Variants in ALG9 observed in about 807,000 individuals in gnomAD.
The protein encoded by ALG9 is ALG9 alpha-1,2-mannosyltransferase.
ALG9 carries 55 observed loss-of-function variants against 81.8 expected under a neutral mutation model. The observed-to-expected ratio is 0.67, with a 90% CI of 0.54 to 0.84. The LOEUF is 0.84. ALG9 is among the 40% of genes least tolerant of loss of function. The pLI, the probability that ALG9 is intolerant of heterozygous loss-of-function variation, is 0.00. For synonymous variants in ALG9, 278 were observed against 274.3 expected (o/e 1.01, Z -0.13); for missense variants, 629 against 745.0 (o/e 0.84, Z 1.81).
In ALG9 at chr11:111,782,474, T is replaced by G. The variant is rs1946026463; in HGVS notation, c.*3923A>C. 6.6e-6 allele frequency: 1 copy of G among 152,620 alleles called. No homozygotes were observed. The highest frequency in any genetic ancestry group is 1.5e-5 in the Non-Finnish European group (1 of 68,038). The allele number at this position is 152,620 out of a possible 1,614,324, so 9.5% of individuals were successfully genotyped here. A position where few individuals can be genotyped will look rare whatever the true frequency, so the allele number is the denominator to read the frequency against. ...CTGATCTTTCTGTTGCAAAAAAAAT[T>G]AAAGCTGGGCACATGTCCATTTATC... On this transcript the variant is annotated 3_prime_UTR_variant, in exon 15 of 15. Coordinates refer to ENST00000616540, the MANE Select transcript of ALG9 (RefSeq NM_024740.2).
rs1299317237 is a variant in ALG9, at chr11:111,836,305, C to T, written c.1473-11G>A. 6.2e-7 allele frequency: 1 copy of T among 1,613,736 alleles called. No individual in the cohort carries two copies. Among genetic ancestry groups the T allele is most frequent in the Non-Finnish European group, 8.5e-7 (1 of 1,179,914 alleles). On this transcript the variant is annotated splice_polypyrimidine_tract_variant and intron_variant, in intron 12 of 14. Coordinates refer to ENST00000616540, the MANE Select transcript of ALG9 (RefSeq NM_024740.2). The stretch of plus-strand genomic sequence containing the variant: ...AACTGAAGCTGCCAACTGTCAGAAA[C>T]ACAAGGAGAATAAGAAAAACACAGG...
intron 13 of ALG9, among the ~76,000 whole-genome samples, chr11:111,818,729 G>A (rs1951884716): frequency 6.6e-6 from 1 of 152,194 alleles, no homozygotes; most frequent in Admixed American, 6.5e-5. Context: ...ATCTGGGGCT[G>A]TGTCTATCTC....
intron 14 of ALG9, chr11:111,788,400 G>C (rs1555067115): frequency 6.6e-6 from 3 of 453,900 alleles, no homozygotes; most frequent in South Asian, 4.7e-5. Context: ...GACAAAGCAG[G>C]GCTCCTATAA....
chr11:111,776,865 A>T, the ALG9 span, among the ~76,000 whole-genome samples: 2 of 152,214 alleles, frequency 1.3e-5, no homozygotes, highest in Non-Finnish European at 2.9e-5. Context: ...TGGCCTAGGC[A>T]TGGGGAGTAA....
chr11:111,773,536 A>C, the ALG9 span, among the ~76,000 whole-genome samples: 2 of 151,598 alleles, frequency 1.3e-5, 1 homozygote, highest in South Asian at 4.2e-4. Flanking sequence ...TCACAAGGGT[A>C]GATTTAAGCT....
chr11:111,785,985 G>C lies in ALG9; in HGVS notation c.*412C>G. The stretch of plus-strand genomic sequence containing the variant: ...GGAGAAGCCCATATGGCCTAAGAGA[G>C]GCTTGCTAGTTCTCAGATGCCAGGC... On this transcript the variant is annotated 3_prime_UTR_variant, in exon 15 of 15. Coordinates refer to ENST00000616540, the MANE Select transcript of ALG9 (RefSeq NM_024740.2). 6 of 456,626 alleles carry C rather than the reference G, an allele frequency of 1.3e-5. No individual in the cohort carries two copies. Among genetic ancestry groups the C allele is most frequent in the African/African-American group, 2.0e-5 (1 of 50,210 alleles). The allele number at this position is 456,626 out of a possible 1,614,324, so 28.3% of individuals were successfully genotyped here.
chr11:111,787,406 A>G (rs1235547283), intron 14 of ALG9, among the ~76,000 whole-genome samples: 2 of 152,072 alleles, frequency 1.3e-5, no homozygotes, highest in African/African-American at 4.8e-5. Context: ...GCACTCCAGC[A>G]TGGGTGACAG....
Position 111,853,405 on chromosome 11 carries a change from A to G in ALG9, c.870T>C (p.Phe290=). The G allele has an allele frequency of 6.2e-7, 1 of 1,613,904 alleles. No homozygotes were observed. Among genetic ancestry groups the G allele is most frequent in the South Asian group, 1.1e-5 (1 of 91,070 alleles). Residue 290 remains phenylalanine (F), a synonymous_variant, in exon 8 of 15, where the codon TTT becomes TTC. Transcript: ENST00000616540. ...APLNIVLYNV[F]TPHGPDLYGT... ...CATAAAGATCAGGTCCATGAGGAGT[A>G]AAGACATTATACAAAACAATGTTGA...
intron 14 of ALG9, among the ~76,000 whole-genome samples, chr11:111,786,902 T>C (rs572776926): frequency 2.0e-5 from 3 of 152,198 alleles, no homozygotes; most frequent in Non-Finnish European, 4.4e-5. Context: ...AGTACTCAAA[T>C]GACCTGGACT....
At chr11:111,826,361 G>T (rs782143991) in intron 13 of ALG9, among the ~76,000 whole-genome samples, 1 of 148,904 alleles carries the variant, frequency 6.7e-6, no homozygotes, top group Non-Finnish European at 1.5e-5. Context: ...ACTCAGCCTG[G>T]ATGACAAAAT....
chr11:111,815,323 T>G (rs1951319119), intron 13 of ALG9, among the ~76,000 whole-genome samples: 1 of 152,088 alleles, frequency 6.6e-6, no homozygotes, highest in African/African-American at 2.4e-5. Flanking sequence ...GAGGATCGCT[T>G]GAGCCCAAGA....
intron 10 of ALG9, among the ~76,000 whole-genome samples, chr11:111,839,346 G>A (rs2136861516): frequency 6.6e-6 from 1 of 152,240 alleles, no homozygotes; most frequent in Non-Finnish European, 1.5e-5. Flanking sequence ...AGCACTTTGG[G>A]AGGCCGAGAC....
In ALG9 at chr11:111,870,327, A is replaced by C. The variant is rs781910819; in HGVS notation, c.175T>G (p.Ser59Ala). 5 of 1,599,248 alleles carry C rather than the reference A, an allele frequency of 3.1e-6. No individual in the cohort carries two copies. Among genetic ancestry groups the C allele is most frequent in the Non-Finnish European group, 4.3e-6 (5 of 1,174,864 alleles). The change falls in exon 2 of 15, where the codon TCT becomes GCT. Residue 59 changes from serine (S) to alanine (A), a missense_variant. Physicochemically the swap from Ser to Ala is moderately conservative, Grantham distance 99 (BLOSUM62 1). This residue lies in a region of ALG9 where 344 missense variants were observed against 390.5 expected (regional missense o/e 0.88). Transcript: ENST00000616540. ...GAAAGCAGACACTTGAAAGCAGTAG[A>C]TCCTTCAGGTGCCCAGACTTGTCCT... ...KAGQVWAPEGSTAFKCLLSAR... is the reference protein window; with the variant it reads ...KAGQVWAPEGATAFKCLLSAR...
At chr11:111,793,814 T>C (rs1206061174) in intron 14 of ALG9, among the ~76,000 whole-genome samples, 1 of 150,860 alleles carries the variant, frequency 6.6e-6, no homozygotes, top group Non-Finnish European at 1.5e-5. Flanking sequence ...GACATGTGCC[T>C]GCACACATTT....
chr11:111,846,383 T>C (rs1311823995), intron 8 of ALG9, among the ~76,000 whole-genome samples: 1 of 152,226 alleles, frequency 6.6e-6, no homozygotes, highest in Non-Finnish European at 1.5e-5. Context: ...GCCACTTGTC[T>C]CTTTCATATT....
chr11:111,789,011 T>A (rs1449331344), intron 14 of ALG9, among the ~76,000 whole-genome samples: 1 of 136,326 alleles, frequency 7.3e-6, no homozygotes, highest in Non-Finnish European at 1.7e-5. Context: ...AACTTTCTTT[T>A]TTTTTTTTCC....
intron 13 of ALG9, among the ~76,000 whole-genome samples, chr11:111,824,067 A>G (rs2136627297): frequency 6.6e-6 from 1 of 152,354 alleles, no homozygotes. Flanking sequence ...AAACTACTTT[A>G]TACAAAAATG....
rs376874281 is a variant in ALG9 at position 111,803,987 on chromosome 11, G to C, written c.1733+5656C>G. On this transcript the variant is annotated intron_variant, in intron 14 of 14. Transcript: ENST00000616540. ...GTCTCTACTAAAAATACCAAAATGA[G>C]CTGGGCATGGTGGTGGGTGCCTGTA... Among the ~76,000 whole-genome samples, 24 of 151,946 alleles carry C rather than the reference G, an allele frequency of 1.6e-4. No individual in the cohort carries two copies. In the South Asian group the frequency reaches 5.0e-3, roughly 32 times the overall value.
In ALG9 at chr11:111,785,574, T is replaced by C. The variant is rs528387467; in HGVS notation, c.*823A>G. ...ACTTAAAAATGTGATGTCATCCAAA[T>C]GTATCAATTGATAGAATTTTCTCCA... On this transcript the variant is annotated 3_prime_UTR_variant, in exon 15 of 15. Transcript: ENST00000616540. The C allele has an allele frequency of 5.5e-4, 85 of 154,732 alleles. 1 individual carries two copies. The highest frequency in any genetic ancestry group is 3.4e-3 in the Middle Eastern group (1 of 296). The allele number at this position is 154,732 out of a possible 1,614,324, so 9.6% of individuals were successfully genotyped here.
Sources: allele counts gnomAD v4.1 joint callset (sites outside exome capture counted in the v4.1 genomes callset), GRCh38; gene constraint gnomAD v4.1.1; regional missense constraint gnomAD v4.1.1; transcripts MANE v1.5; gene names NCBI Gene and HGNC (gene_info 2026-07-23, HGNC 2026-07-21).